CACNA2D3: variants seen among roughly 807,000 people sequenced by gnomAD.
CACNA2D3 encodes the protein calcium voltage-gated channel auxiliary subunit alpha2delta 3.
A neutral mutation model predicts 160.6 loss-of-function variants in CACNA2D3; 60 were observed. That is an observed-to-expected ratio of 0.37 (90% CI 0.30 to 0.46). The LOEUF is 0.46. Ranked by LOEUF, CACNA2D3 falls within the 20% of genes least tolerant of loss-of-function variation. The pLI, the probability that CACNA2D3 is intolerant of heterozygous loss-of-function variation, is 1.00. For synonymous variants in CACNA2D3, 558 were observed against 492.9 expected, an observed-to-expected ratio of 1.13 and a Z score of -1.75; for missense variants, 1,205 against 1,365.0, an observed-to-expected ratio of 0.88 and a Z score of 1.85.
At chr3:54,167,076 C>T (rs1444253553) in intron 2 of CACNA2D3, among the ~76,000 whole-genome samples, 1 of 152,130 alleles carries the variant, frequency 6.6e-6, no homozygotes, top group East Asian at 1.9e-4. Flanking sequence ...CTTTGCGGAA[C>T]AAGAATTTCT....
intron 11 of CACNA2D3, among the ~76,000 whole-genome samples, chr3:54,643,172 T>G (rs995458060): frequency 9.2e-5 from 14 of 152,202 alleles, no homozygotes; most frequent in African/African-American, 3.4e-4. Context: ...CCTTACTGCT[T>G]TATCTGTTTT....
At chr3:54,767,806 G>C (rs911866257) in intron 13 of CACNA2D3, among the ~76,000 whole-genome samples, 4 of 152,156 alleles carry the variant, frequency 2.6e-5, no homozygotes, top group Non-Finnish European at 5.9e-5. Context: ...GCTCTCATTG[G>C]TCAAATCTGG....
At chr3:54,565,711 A>G (rs1359777619) in intron 6 of CACNA2D3, among the ~76,000 whole-genome samples, 3 of 152,348 alleles carry the variant, frequency 2.0e-5, no homozygotes, top group Non-Finnish European at 2.9e-5. Flanking sequence ...GTTGAATAAC[A>G]TAATGCTGTA....
chr3:54,585,947 G>A (rs11130426), intron 9 of CACNA2D3, among the ~76,000 whole-genome samples: 42,656 of 152,012 alleles, frequency 0.28, 6,805 homozygotes, highest in South Asian at 0.4. Context: ...TGATCCAACC[G>A]TATGACCATA....
chr3:54,744,213 G>A (rs1342209135), intron 11 of CACNA2D3, among the ~76,000 whole-genome samples: 1 of 152,178 alleles, frequency 6.6e-6, no homozygotes, highest in African/African-American at 2.4e-5. Flanking sequence ...GCATGTAAAT[G>A]ACCAAATGAA....
intron 13 of CACNA2D3, among the ~76,000 whole-genome samples, chr3:54,805,122 T>C (rs1304947109): frequency 6.6e-6 from 1 of 152,064 alleles, no homozygotes; most frequent in Non-Finnish European, 1.5e-5. Flanking sequence ...ATTGACACCC[T>C]AACATCACAA....
At chr3:54,338,660 G>A (rs1448271650) in intron 3 of CACNA2D3, among the ~76,000 whole-genome samples, 2 of 152,092 alleles carry the variant, frequency 1.3e-5, no homozygotes, top group Non-Finnish European at 2.9e-5. Flanking sequence ...TTGATTATTG[G>A]TGAAGAAAAT....
At chr3:54,885,387 A>G (rs1242364120) in intron 22 of CACNA2D3, 61 bp downstream of exon 22, 2 of 1,605,862 alleles carry the variant, frequency 1.2e-6, no homozygotes, top group Non-Finnish European at 8.5e-7. Flanking sequence ...TTGATTCCAC[A>G]TGGTTTGTGC....
chr3:54,571,651 GT>G, intron 8 of CACNA2D3, among the ~76,000 whole-genome samples: 1 of 148,114 alleles, frequency 6.8e-6, no homozygotes, highest in African/African-American at 2.5e-5. Context: ...GTGTGTGTGT[GT>G]GTGTGTGGTG....
intron 2 of CACNA2D3, among the ~76,000 whole-genome samples, chr3:54,277,288 T>C (rs544055361): frequency 6.6e-6 from 1 of 152,268 alleles, no homozygotes; most frequent in Non-Finnish European, 1.5e-5. Flanking sequence ...TTAATCCATA[T>C]TAAGTTAATT....
intron 5 of CACNA2D3, among the ~76,000 whole-genome samples, chr3:54,506,424 A>G (rs551647877): frequency 2.3e-4 from 35 of 152,062 alleles, no homozygotes; most frequent in African/African-American, 7.2e-4. Context: ...TCTGTGATCT[A>G]TGTTCTGGGG....
chr3:54,683,051 T>C (rs1700384140), intron 11 of CACNA2D3, among the ~76,000 whole-genome samples: 1 of 152,188 alleles, frequency 6.6e-6, no homozygotes, highest in Non-Finnish European at 1.5e-5. Context: ...CAAACCAATA[T>C]AGATTGTATC....
At chr3:54,274,752 C>A (rs563398924) in intron 2 of CACNA2D3, among the ~76,000 whole-genome samples, 17 of 152,296 alleles carry the variant, frequency 1.1e-4, no homozygotes, top group African/African-American at 4.1e-4. Flanking sequence ...GGAACTGCAT[C>A]CAGGCTCACG....
chr3:54,723,284 G>A (rs558851092), intron 11 of CACNA2D3, among the ~76,000 whole-genome samples: 1 of 151,210 alleles, frequency 6.6e-6, no homozygotes, highest in African/African-American at 2.4e-5. Context: ...CTGCTGCTGT[G>A]CTGGCAGTGA....
chr3:54,407,494 A>C (rs1207032188), intron 4 of CACNA2D3, among the ~76,000 whole-genome samples: 1 of 152,160 alleles, frequency 6.6e-6, no homozygotes, highest in Non-Finnish European at 1.5e-5. Context: ...AGGACTTGCC[A>C]CATGTCATTT....
intron 25 of CACNA2D3, chr3:54,894,803 GA>G (rs1363766782): frequency 1.3e-5 from 5 of 396,248 alleles, no homozygotes; most frequent in East Asian, 1.4e-4. Flanking sequence ...CCTGAAGCCT[GA>G]TGACTTTTAG....
chr3:55,017,844 A>C (rs945463095), intron 34 of CACNA2D3, among the ~76,000 whole-genome samples: 1 of 152,218 alleles, frequency 6.6e-6, no homozygotes, highest in African/African-American at 2.4e-5. Flanking sequence ...GTCTCACCCT[A>C]AATAATATGG....
Position 54,495,730 on chromosome 3 carries a change from AC to A in CACNA2D3, c.382-7761del, listed in dbSNP as rs369701046. On this transcript the variant is annotated intron_variant, in intron 4 of 37. Coordinates refer to ENST00000474759, the MANE Select transcript of CACNA2D3 (RefSeq NM_018398.3). Reference sequence around the variant, plus strand: ...GGCCACTGCATTCCAGCCTGGGTGGACAGAGTGAGACTCTGTCTCAAAACAA... The same window carrying A: ...GGCCACTGCATTCCAGCCTGGGTGGAAGAGTGAGACTCTGTCTCAAAACAA... Among the ~76,000 whole-genome samples the A allele has an allele frequency of 3.9e-4, 59 of 152,310 alleles. 2 individuals carry two copies. In the South Asian group the frequency reaches 0.012, roughly 31 times the overall value.
chr3:54,207,919 G>C (rs1701301798), intron 2 of CACNA2D3, among the ~76,000 whole-genome samples: 1 of 152,190 alleles, frequency 6.6e-6, no homozygotes, highest in African/African-American at 2.4e-5. Flanking sequence ...CAGCCCAGCT[G>C]GCTGAGTGAC....
Sources: gnomAD v4.1 joint callset for allele counts (sites outside exome capture counted in the v4.1 genomes callset) on GRCh38, gnomAD v4.1.1 for gene constraint, MANE v1.5 for transcripts, NCBI Gene and HGNC (gene_info 2026-07-23, HGNC 2026-07-21) for gene names.